FAT2: variants seen among roughly 807,000 people sequenced by gnomAD.
FAT2 encodes protocadherin Fat 2.
FAT2 carries 150 observed loss-of-function variants against 295.3 expected under a neutral mutation model. The ratio of observed to expected loss-of-function variants is 0.51; its 90% confidence interval spans 0.44 to 0.58. The LOEUF (loss-of-function observed/expected upper bound fraction) is 0.58. Ranked by LOEUF, FAT2 falls within the 20% of genes least tolerant of loss-of-function variation. FAT2 has a pLI of 0.00. For missense variants in FAT2, 4,868 were observed against 5,442.7 expected (o/e 0.89, Z 3.32); for synonymous variants, 2,026 against 2,150.3 (o/e 0.94, Z 1.60).
At position 151,544,697 on chromosome 5, in the gene FAT2, T is replaced by A. The variant is rs1756454433; in HGVS notation, c.6430A>T (p.Ile2144Phe). The change falls in exon 10 of 24, where the codon ATT becomes TTT. Residue 2144 changes from isoleucine to phenylalanine, a missense_variant. Physicochemically the swap from Ile to Phe is conservative, Grantham distance 21. This residue lies in a region of FAT2 where 3,297 missense variants were observed against 3,669.4 expected (regional missense o/e 0.90). Transcript: ENST00000261800. ...QALNKYHLKV[I>F]ARDGGTPSLQ... is the part of the protein sequence containing the mutation. ...GATGGCGTTCCTCCATCCCGAGCAA[T>A]GACTTTGAGGTGATATTTATTTAAA... 2 of 1,614,076 alleles carry A rather than the reference T, an allele frequency of 1.2e-6. No homozygotes were observed. The highest frequency in any genetic ancestry group is 2.7e-5 in the African/African-American group (2 of 74,916).
At chr5:151,556,493 G>A (rs1757704529) in intron 3 of FAT2, 91 bp from the exon 4 acceptor site, 1 of 826,548 alleles carries the variant, frequency 1.2e-6, no homozygotes, top group Non-Finnish European at 2.0e-6. Context: ...TCAAATCTCA[G>A]ATAAGAATTC....
intron 10 of FAT2, 53 bp from the exon 11 acceptor site, chr5:151,540,816 C>A (rs2127603127): frequency 6.6e-7 from 1 of 1,510,380 alleles, no homozygotes. Flanking sequence ...ATGAACTAGG[C>A]TTTGTGTCAC....
At position 151,566,658 on chromosome 5, in the gene FAT2, A is replaced by G. The variant is rs1417181212; in HGVS notation, c.2274T>C (p.Asn758=). 3.7e-6 allele frequency: 6 copies of G among 1,614,020 alleles called. No individual in the cohort carries two copies. The highest frequency in any genetic ancestry group is 1.3e-5 in the African/African-American group (1 of 74,906). ...GCTCTATGTCAAAGCAGCCCTCCTC[A>G]TTGCCATCTGCAATCACATAGACCA... ...GKLVYVIADG[N]EEGCFDIELE... The change falls in exon 2 of 24, where the codon AAT becomes AAC. Residue 758 remains asparagine (N), a synonymous_variant. Transcript: ENST00000261800.
At chr5:151,516,417 G>T (rs1752869773) in intron 20 of FAT2, among the ~76,000 whole-genome samples, 2 of 152,148 alleles carry the variant, frequency 1.3e-5, no homozygotes, top group Non-Finnish European at 2.9e-5. Context: ...TCCAGAGACT[G>T]AGACACAAGA....
intron 4 of FAT2, among the ~76,000 whole-genome samples, chr5:151,555,402 G>A (rs1396760417): frequency 1.6e-5 from 2 of 126,292 alleles, no homozygotes; most frequent in Admixed American, 1.0e-4. Flanking sequence ...ACTGAGTCTC[G>A]CTCTATCGCC....
At position 151,544,543 on chromosome 5, in the gene FAT2, G is replaced by T. The variant is rs1446567236; in HGVS notation, c.6584C>A (p.Ala2195Asp). 1 of 1,613,832 alleles carries T rather than the reference G, an allele frequency of 6.2e-7. No homozygotes were observed. Among genetic ancestry groups the T allele is most frequent in the East Asian group, 2.2e-5 (1 of 44,874 alleles). ...GAGCCGGAGTCCCTCTGGACTCCGG[G>T]CCTGGGTGTGGAGAATTGGGGTATA... The part of the protein sequence containing the change: ...TLYTPILHTQ[A>D]RSPEGLRLIY... Residue 2195 changes from alanine to aspartate, a missense_variant, in exon 10 of 24, where the codon GCC (alanine) becomes GAC (aspartate). Coordinates refer to ENST00000261800, the MANE Select transcript of FAT2 (RefSeq NM_001447.3).
chr5:151,551,595 C>T lies in FAT2; in HGVS notation c.4168G>A (p.Asp1390Asn). 1 of 1,614,168 alleles carries T rather than the reference C, an allele frequency of 6.2e-7. No individual in the cohort carries two copies. The highest frequency in any genetic ancestry group is 1.3e-5 in the African/African-American group (1 of 75,058). ...GTCTTCTCAATGTCAAAGTCCATGT[C>T]CTTATCCCCACCTAGAGTGGGAGTG... ...FWFNISGGDKDMDFDIEKTTG... is the reference protein window; with the variant it reads ...FWFNISGGDKNMDFDIEKTTG... The change falls in exon 7 of 24, where the codon GAC (aspartate) becomes AAC (asparagine). Residue 1390 changes from aspartate to asparagine, a missense_variant. By Grantham distance (23) the Asp-to-Asn change is conservative (BLOSUM62 1). Transcript: ENST00000261800.
Position 151,545,780 on chromosome 5 carries a change from T to G in FAT2, c.5347A>C (p.Asn1783His), listed in dbSNP as rs746168750. Residue 1783 changes from asparagine (N) to histidine (H), a missense_variant, in exon 10 of 24, where the codon AAC becomes CAC. By Grantham distance (68) the Asn-to-His change is moderately conservative. Coordinates refer to ENST00000261800, the MANE Select transcript of FAT2 (RefSeq NM_001447.3). ...LYSMIMDKNNNPFVIHASDSD... is the reference protein window; with the variant it reads ...LYSMIMDKNNHPFVIHASDSD... ...TCAGAGGCATGAATCACAAAGGGGTTGTTGTTTTTATCCATGATCATGCTA... is the reference window on the plus strand; with the variant it reads ...TCAGAGGCATGAATCACAAAGGGGTGGTTGTTTTTATCCATGATCATGCTA... 3 of 1,614,066 alleles carry G rather than the reference T, an allele frequency of 1.9e-6. No homozygotes were observed. Among genetic ancestry groups the G allele is most frequent in the African/African-American group, 1.3e-5 (1 of 74,934 alleles).
intron 1 of FAT2, among the ~76,000 whole-genome samples, chr5:151,587,941 C>T (rs928032654): frequency 5.3e-5 from 8 of 152,140 alleles, no homozygotes; most frequent in African/African-American, 1.7e-4. Flanking sequence ...TAAGTCATTG[C>T]GAATTCTCAC....
rs1756977579 is a variant in FAT2, at chr5:151,549,463, C to T, written c.4621G>A (p.Val1541Met). The change falls in exon 9 of 24, where the codon GTG (valine) becomes ATG (methionine). Residue 1541 changes from valine to methionine, a missense_variant. This residue lies in a region of FAT2 where 3,297 missense variants were observed against 3,669.4 expected (regional missense o/e 0.90). Coordinates refer to ENST00000261800, the MANE Select transcript of FAT2 (RefSeq NM_001447.3). Reference sequence around the variant, plus strand: ...TTTCCATCCTCCACATGAATGGTCACCCACACGAAGTTCCTCTTGATAGGT... The same window carrying T: ...TTTCCATCCTCCACATGAATGGTCATCCACACGAAGTTCCTCTTGATAGGT... The part of the protein sequence containing the change: ...EIPIKRNFVW[V>M]TIHVEDGNLH... 6.2e-7 allele frequency: 1 copy of T among 1,614,046 alleles called. No individual in the cohort carries two copies. The highest frequency in any genetic ancestry group is 1.3e-5 in the African/African-American group (1 of 74,906).
intron 13 of FAT2, 77 bp from the exon 14 acceptor site, chr5:151,532,047 C>T (rs1383903616): frequency 6.4e-7 from 1 of 1,557,668 alleles, no homozygotes; most frequent in Non-Finnish European, 8.7e-7. Flanking sequence ...CCTGCAGCCA[C>T]AGGAGGGGCT....
At position 151,504,806 on chromosome 5, in the gene FAT2, G is replaced by C. The variant is rs1302448480; in HGVS notation, c.*759C>G. ...TCTTTAACAAAGAAGGTTCAGAGCTGTGTAGACTCCTGGCAGGCCCTGACT... is the reference window on the plus strand; with the variant it reads ...TCTTTAACAAAGAAGGTTCAGAGCTCTGTAGACTCCTGGCAGGCCCTGACT... On this transcript the variant is annotated 3_prime_UTR_variant, in exon 24 of 24. Transcript: ENST00000261800. The C allele has an allele frequency of 6.5e-6, 1 of 152,696 alleles. No individual in the cohort carries two copies. The highest frequency in any genetic ancestry group is 1.5e-5 in the Non-Finnish European group (1 of 68,090). The allele number at this position is 152,696 out of a possible 1,614,324, so 9.5% of individuals were successfully genotyped here. A position where few individuals can be genotyped will look rare whatever the true frequency, so the allele number is the denominator to read the frequency against.
At chr5:151,511,970 T>C in intron 21 of FAT2, 195 bp downstream of exon 21, 1 of 595,118 alleles carries the variant, frequency 1.7e-6, no homozygotes, top group Non-Finnish European at 3.0e-6. Context: ...AAGATAGTTT[T>C]TGTTGAGAGG....
Position 151,539,970 on chromosome 5 carries a change from G to T in FAT2, c.9039+597C>A, listed in dbSNP as rs116400546. Reference sequence around the variant, plus strand: ...ACTAAATTACCCCAGCAGATGTGAGGAGGTGCATATATGGGCATGGGGTGA... The same window carrying T: ...ACTAAATTACCCCAGCAGATGTGAGTAGGTGCATATATGGGCATGGGGTGA... On this transcript the variant is annotated intron_variant, in intron 11 of 23. Transcript: ENST00000261800. Among the ~76,000 whole-genome samples the T allele has an allele frequency of 5.4e-3, 816 of 152,358 alleles. 8 individuals are homozygous for T. The highest frequency in any genetic ancestry group is 0.018 in the African/African-American group (769 of 41,578).
chr5:151,538,086 A>AACAGAG, intron 11 of FAT2, 140 bp from the exon 12 acceptor site: 2 of 638,044 alleles, frequency 3.1e-6, no homozygotes, highest in Non-Finnish European at 5.2e-6. Flanking sequence ...CAGAAAAAAG[A>AACAGAG]ACAGAGACAG....
At chr5:151,508,580 C>G (rs1018296988) in intron 22 of FAT2, among the ~76,000 whole-genome samples, 1 of 152,092 alleles carries the variant, frequency 6.6e-6, no homozygotes, top group African/African-American at 2.4e-5. Flanking sequence ...TGTTATGGCA[C>G]ATGCCTGTAA....
Position 151,580,718 on chromosome 5 carries a change from G to A in FAT2, c.-21+10447C>T, listed in dbSNP as rs558685132. On this transcript the variant is annotated intron_variant, in intron 1 of 23. Coordinates refer to ENST00000261800, the MANE Select transcript of FAT2 (RefSeq NM_001447.3). ...AACAGATGTGATCTTCTTCAGAGTT[G>A]AAGAGGGGGCAGAGGGTGGGTGTGA... Among the ~76,000 whole-genome samples, 991 of 152,332 alleles carry A rather than the reference G, an allele frequency of 6.5e-3. 14 individuals carry two copies. The highest frequency in any genetic ancestry group is 0.023 in the African/African-American group (938 of 41,570).
chr5:151,570,276 A>G (rs573855068), intron 1 of FAT2, among the ~76,000 whole-genome samples: 1 of 152,278 alleles, frequency 6.6e-6, no homozygotes, highest in East Asian at 1.9e-4. Context: ...CTCATCATGT[A>G]ACCTGGAACA....
intron 23 of FAT2, 116 bp from the exon 24 acceptor site, chr5:151,506,213 G>A (rs1581259409): frequency 2.7e-6 from 3 of 1,108,010 alleles, no homozygotes; most frequent in Non-Finnish European, 3.7e-6. Context: ...GGTGGGCATA[G>A]GCCCATCTGT....
Sources: gnomAD v4.1 joint callset for allele counts (sites outside exome capture counted in the v4.1 genomes callset) on GRCh38, gnomAD v4.1.1 for gene constraint, gnomAD v4.1.1 regional missense constraint, MANE v1.5 for transcripts, NCBI Gene and HGNC (gene_info 2026-07-23, HGNC 2026-07-21) for gene names.